RNLS: variants seen among roughly 807,000 people sequenced by gnomAD.
The protein encoded by RNLS is renalase.
RNLS carries 39 observed loss-of-function variants against 39.8 expected under a neutral mutation model. The ratio of observed to expected loss-of-function variants is 0.98; its 90% CI spans 0.76 to 1.28. The LOEUF (loss-of-function observed/expected upper bound fraction) is 1.28, where lower values mean the gene tolerates loss of function less well. Among genes scored for constraint, RNLS ranks in the 50% most tolerant of loss-of-function variants. The probability of loss-of-function intolerance (pLI) is 0.00; values close to 1 mark genes in which losing one functional copy is unlikely to be tolerated. For missense variants in RNLS, 410 were observed against 413.3 expected, an observed-to-expected ratio of 0.99 and a Z score of 0.07; for synonymous variants, 147 against 150.7, an observed-to-expected ratio of 0.98 and a Z score of 0.18.
intron 4 of RNLS, among the ~76,000 whole-genome samples, chr10:88,395,613 A>G (rs1469741712): frequency 2.0e-5 from 3 of 152,068 alleles, no homozygotes; most frequent in Admixed American, 2.0e-4. Context: ...ACATTTGGGG[A>G]ACACCATCAA....
At chr10:88,330,114 CTATA>C (rs1311468117) in intron 5 of RNLS, among the ~76,000 whole-genome samples, 1 of 146,882 alleles carries the variant, frequency 6.8e-6, no homozygotes, top group Admixed American at 6.8e-5. Context: ...TATACACACA[CTATA>C]TATATACACA....
In RNLS at chr10:88,284,107, A is replaced by G; in HGVS notation, c.*1247T>C. On this transcript the variant is annotated 3_prime_UTR_variant, in exon 7 of 7. Coordinates refer to ENST00000331772, the MANE Select transcript of RNLS (RefSeq NM_001031709.3). ...TAAGTGACATTAACCACATGTTGGC[A>G]TTTAAGTTTTTCACCAATTTATTGC... The G allele has an allele frequency of 1.0e-6, 1 of 980,750 alleles. No individual in the cohort carries two copies. The highest frequency in any genetic ancestry group is 1.2e-6 in the Non-Finnish European group (1 of 825,694). 60.8% of individuals were successfully genotyped at this position (980,750 alleles called of 1,614,324 possible).
chr10:88,368,022 T>C (rs1453269805), intron 4 of RNLS, among the ~76,000 whole-genome samples: 2 of 152,104 alleles, frequency 1.3e-5, no homozygotes, highest in East Asian at 3.8e-4. Context: ...TTTTTTTCAT[T>C]TATAGTTAAC....
the RNLS span, among the ~76,000 whole-genome samples, chr10:88,225,710 ACT>A: frequency 6.6e-6 from 1 of 152,062 alleles, no homozygotes; most frequent in African/African-American, 2.4e-5. Flanking sequence ...AAAGATCCTG[ACT>A]CTACACAAAA....
intron 4 of RNLS, among the ~76,000 whole-genome samples, chr10:88,564,382 C>T (rs777070839): frequency 1.6e-4 from 24 of 152,002 alleles, no homozygotes; most frequent in Non-Finnish European, 3.2e-4. Flanking sequence ...AAGCATCTTT[C>T]TCTTGCAGGA....
At chr10:88,296,428 C>T (rs1432197700) in intron 6 of RNLS, among the ~76,000 whole-genome samples, 1 of 152,010 alleles carries the variant, frequency 6.6e-6, no homozygotes, top group Non-Finnish European at 1.5e-5. Context: ...TCTTGATGAC[C>T]CAGAAGCATG....
At chr10:88,551,140 G>A (rs1479102448) in intron 4 of RNLS, among the ~76,000 whole-genome samples, 6 of 152,014 alleles carry the variant, frequency 3.9e-5, no homozygotes, top group African/African-American at 1.2e-4. Context: ...TCTCTTCTTC[G>A]TGCCTGATGT....
At position 88,512,419 on chromosome 10, in the gene RNLS, G is replaced by C. The variant is rs116585856; in HGVS notation, c.526+60484C>G. ...AATTTATAATGAAAAGCACTTTGCA[G>C]TTCATAAAATATTTCTTATTCATTA... On this transcript the variant is annotated intron_variant, in intron 4 of 6. Coordinates refer to ENST00000331772, the MANE Select transcript of RNLS (RefSeq NM_001031709.3). 8.9e-3 allele frequency among the ~76,000 whole-genome samples: 1,356 copies of C among 152,194 alleles called. 22 individuals carry two copies. The highest frequency in any genetic ancestry group is 0.031 in the African/African-American group (1,283 of 41,556).
At chr10:88,335,876 T>G (rs946254028) in intron 5 of RNLS, among the ~76,000 whole-genome samples, 3 of 152,224 alleles carry the variant, frequency 2.0e-5, no homozygotes, top group African/African-American at 7.2e-5. Flanking sequence ...TCTTTTACTA[T>G]TAAATTTTAG....
At chr10:88,239,528 A>G in the RNLS span, among the ~76,000 whole-genome samples, 1 of 152,216 alleles carries the variant, frequency 6.6e-6, no homozygotes, top group African/African-American at 2.4e-5. Flanking sequence ...TGCCTGAATG[A>G]ATTTCCTTAA....
At chr10:88,416,403 G>C (rs1475500784) in intron 4 of RNLS, among the ~76,000 whole-genome samples, 1 of 151,854 alleles carries the variant, frequency 6.6e-6, no homozygotes. Flanking sequence ...ACAGGCATGT[G>C]CCAACACGCC....
intron 6 of RNLS, among the ~76,000 whole-genome samples, chr10:88,301,682 T>A (rs544641186): frequency 1.3e-5 from 2 of 152,362 alleles, no homozygotes; most frequent in East Asian, 1.9e-4. Context: ...GAGTTCCTTG[T>A]GTCCACAGGG....
At chr10:88,529,542 T>C (rs773093901) in intron 4 of RNLS, among the ~76,000 whole-genome samples, 1 of 152,198 alleles carries the variant, frequency 6.6e-6, no homozygotes, top group African/African-American at 2.4e-5. Flanking sequence ...AACACTGTTA[T>C]GATTGTATAT....
intron 4 of RNLS, among the ~76,000 whole-genome samples, chr10:88,534,785 T>C (rs1847642823): frequency 6.6e-6 from 1 of 152,122 alleles, no homozygotes; most frequent in African/African-American, 2.4e-5. Context: ...GGAAACATCA[T>C]CTGGAGGAGA....
chr10:88,445,343 G>A (rs185102997), intron 4 of RNLS, among the ~76,000 whole-genome samples: 1 of 152,030 alleles, frequency 6.6e-6, no homozygotes, highest in Non-Finnish European at 1.5e-5. Context: ...AGGAACAACT[G>A]GTACCAGCCA....
chr10:88,359,196 C>T (rs1207022999), intron 5 of RNLS, among the ~76,000 whole-genome samples: 1 of 151,946 alleles, frequency 6.6e-6, no homozygotes, highest in Non-Finnish European at 1.5e-5. Context: ...GGCACCTGTA[C>T]TCCCAGCTAC....
At chr10:88,531,399 T>A (rs1179067361) in intron 4 of RNLS, among the ~76,000 whole-genome samples, 1 of 152,096 alleles carries the variant, frequency 6.6e-6, no homozygotes, top group Admixed American at 6.6e-5. Context: ...TGACTCCAAA[T>A]TGAATTTGAG....
At chr10:88,456,768 T>G (rs1842650300) in intron 4 of RNLS, among the ~76,000 whole-genome samples, 1 of 152,156 alleles carries the variant, frequency 6.6e-6, no homozygotes, top group Non-Finnish European at 1.5e-5. Context: ...ACCTGACCAA[T>G]TTTTTAAAAA....
At chr10:88,238,311 TC>T in the RNLS span, among the ~76,000 whole-genome samples, 10 of 152,206 alleles carry the variant, frequency 6.6e-5, no homozygotes, top group African/African-American at 2.4e-4. Flanking sequence ...GCCAGCAGCC[TC>T]CCCAGCTTCC....
Sources: allele counts gnomAD v4.1 joint callset (sites outside exome capture counted in the v4.1 genomes callset), GRCh38; gene constraint gnomAD v4.1.1; transcripts MANE v1.5; gene names NCBI Gene and HGNC (gene_info 2026-07-23, HGNC 2026-07-21).